Variants in SDK1 observed in about 807,000 individuals in gnomAD.
The protein encoded by SDK1 is sidekick cell adhesion molecule 1, also known as protein sidekick-1.
SDK1 carries 157 observed loss-of-function variants against 245.5 expected under a neutral mutation model. That is an observed-to-expected ratio of 0.64 (90% confidence interval 0.56 to 0.73). SDK1 has a LOEUF of 0.73. SDK1 is among the 30% of genes least tolerant of loss of function. SDK1 has a pLI of 0.00. For missense variants in SDK1, 3,583 were observed against 3,002.3 expected, an observed-to-expected ratio of 1.19 and a Z score of -4.52; for synonymous variants, 1,647 against 1,278.5, an observed-to-expected ratio of 1.29 and a Z score of -6.15.
At chr7:3,844,056 C>T (rs1400928044) in intron 5 of SDK1, among the ~76,000 whole-genome samples, 1 of 152,128 alleles carries the variant, frequency 6.6e-6, no homozygotes, top group Non-Finnish European at 1.5e-5. Context: ...CTGCAACCTC[C>T]ACCTCCCGGG....
intron 4 of SDK1, among the ~76,000 whole-genome samples, chr7:3,771,320 A>G (rs923873606): frequency 4.6e-5 from 7 of 152,140 alleles, no homozygotes; most frequent in African/African-American, 1.7e-4. Context: ...CGTCGAGTGA[A>G]CCAAAGCAAG....
intron 4 of SDK1, among the ~76,000 whole-genome samples, chr7:3,820,660 C>G (rs959066754): frequency 3.3e-5 from 5 of 152,192 alleles, no homozygotes; most frequent in African/African-American, 4.8e-5. Context: ...GAGTATTAAT[C>G]TGCCTGTGAA....
intron 5 of SDK1, among the ~76,000 whole-genome samples, chr7:3,858,502 C>T (rs1780603983): frequency 1.3e-5 from 2 of 152,070 alleles, no homozygotes; most frequent in Non-Finnish European, 2.9e-5. Flanking sequence ...AACTTCCTTT[C>T]TGGAAAGGAA....
chr7:4,061,417 C>G (rs1189954411), intron 19 of SDK1, among the ~76,000 whole-genome samples: 2 of 151,992 alleles, frequency 1.3e-5, no homozygotes, highest in Non-Finnish European at 2.9e-5. Flanking sequence ...AAATGCAAAT[C>G]AAAACCACAA....
At chr7:3,574,053 G>T (rs1040826089) in intron 1 of SDK1, among the ~76,000 whole-genome samples, 3 of 151,848 alleles carry the variant, frequency 2.0e-5, no homozygotes, top group African/African-American at 7.3e-5. Flanking sequence ...AGAATTTGTA[G>T]CTGAGGATAG....
chr7:3,605,144 A>AC (rs1349219460), intron 1 of SDK1, among the ~76,000 whole-genome samples: 1 of 128,376 alleles, frequency 7.8e-6, no homozygotes, highest in Non-Finnish European at 1.7e-5. Context: ...AAAAAACAAG[A>AC]AACACACACA....
At chr7:3,937,835 G>A (rs556778174) in intron 5 of SDK1, among the ~76,000 whole-genome samples, 70 of 152,240 alleles carry the variant, frequency 4.6e-4, no homozygotes, top group African/African-American at 1.7e-3. Context: ...TTACTCAAGA[G>A]CATTTCTTTT....
chr7:3,569,440 A>C (rs1414281886), intron 1 of SDK1, among the ~76,000 whole-genome samples: 1 of 152,204 alleles, frequency 6.6e-6, no homozygotes, highest in Non-Finnish European at 1.5e-5. Context: ...TGGGAGGAGA[A>C]GGATATTTCT....
At chr7:3,322,458 G>C (rs1021797151) in intron 1 of SDK1, among the ~76,000 whole-genome samples, 2 of 152,066 alleles carry the variant, frequency 1.3e-5, no homozygotes, top group Admixed American at 1.3e-4. Context: ...ATGTGTGTTT[G>C]AACACCTGTT....
intron 1 of SDK1, among the ~76,000 whole-genome samples, chr7:3,364,620 C>G (rs1781041453): frequency 2.6e-5 from 4 of 152,120 alleles, no homozygotes; most frequent in Admixed American, 2.6e-4. Context: ...ATTTTCTACT[C>G]TATTTCATTG....
intron 2 of SDK1, among the ~76,000 whole-genome samples, chr7:3,626,559 G>A (rs557996456): frequency 6.6e-6 from 1 of 152,172 alleles, no homozygotes; most frequent in African/African-American, 2.4e-5. Context: ...TCACCTTTTA[G>A]TTGCCTTGCC....
At chr7:3,891,983 G>A (rs1466523972) in intron 5 of SDK1, among the ~76,000 whole-genome samples, 1 of 152,082 alleles carries the variant, frequency 6.6e-6, no homozygotes. Context: ...GCAAGATTCT[G>A]TTTTGAAAAC....
At chr7:3,697,264 G>C (rs1714850564) in intron 4 of SDK1, among the ~76,000 whole-genome samples, 1 of 152,160 alleles carries the variant, frequency 6.6e-6, no homozygotes, top group Non-Finnish European at 1.5e-5. Flanking sequence ...GAAAAGCCAA[G>C]ATATTGAAAT....
intron 20 of SDK1, among the ~76,000 whole-genome samples, chr7:4,072,819 C>T (rs1344772273): frequency 2.6e-5 from 4 of 152,146 alleles, no homozygotes; most frequent in Non-Finnish European, 5.9e-5. Context: ...GTTTATTAGC[C>T]CTGGTCTGTG....
intron 30 of SDK1, among the ~76,000 whole-genome samples, chr7:4,151,604 C>T (rs1166204896): frequency 6.6e-6 from 1 of 152,156 alleles, no homozygotes; most frequent in Non-Finnish European, 1.5e-5. Flanking sequence ...ACAGTTAAAG[C>T]TCTGACAGGA....
intron 19 of SDK1, among the ~76,000 whole-genome samples, chr7:4,052,457 T>A (rs189316825): frequency 3.3e-5 from 5 of 152,194 alleles, no homozygotes; most frequent in Admixed American, 6.5e-5. Context: ...ATGTTCCAGA[T>A]GGGGAGAATT....
At chr7:3,410,838 C>G (rs1391939987) in intron 1 of SDK1, among the ~76,000 whole-genome samples, 1 of 152,024 alleles carries the variant, frequency 6.6e-6, no homozygotes, top group Non-Finnish European at 1.5e-5. Flanking sequence ...CCGCCTGCCT[C>G]GGCCTCCCAC....
At chr7:3,998,327 AGCT>A (rs1784831812) in intron 14 of SDK1, among the ~76,000 whole-genome samples, 1 of 152,274 alleles carries the variant, frequency 6.6e-6, no homozygotes, top group African/African-American at 2.4e-5. Context: ...TGTCTAGAGC[AGCT>A]GGCTGCTGTC....
rs183634341 is a variant in SDK1, at chr7:3,489,833, C to G, written c.299-129247C>G. Among the ~76,000 whole-genome samples, 787 of 152,248 alleles carry G rather than the reference C, an allele frequency of 5.2e-3. 8 individuals are homozygous for G. The highest frequency in any genetic ancestry group is 0.018 in the African/African-American group (744 of 41,526). ...GTAAATGCAGCAAGATTCATGCTAA[C>G]TAATTACTATTTCAAGTTTGGAGTA... is the stretch of plus-strand genomic sequence containing the variant. On this transcript the variant is annotated intron_variant, in intron 1 of 44. Transcript: ENST00000404826.
Sources: gnomAD v4.1 joint callset for allele counts (sites outside exome capture counted in the v4.1 genomes callset) on GRCh38, gnomAD v4.1.1 for gene constraint, MANE v1.5 for transcripts, NCBI Gene and HGNC (gene_info 2026-07-23, HGNC 2026-07-21) for gene names.